Variants in CHN2 observed in about 807,000 individuals in gnomAD.
The protein encoded by CHN2 is beta-chimaerin.
A neutral mutation model predicts 56.3 loss-of-function variants in CHN2; 35 were observed. That is an observed-to-expected ratio of 0.62 (90% CI 0.47 to 0.82). The LOEUF (loss-of-function observed/expected upper bound fraction) is 0.82, where lower values mean the gene tolerates loss of function less well. Among genes scored for constraint, CHN2 ranks in the 40% least tolerant of loss-of-function variants. CHN2 has a pLI of 0.00. For missense variants in CHN2, 491 were observed against 580.5 expected (o/e 0.85, Z 1.58); for synonymous variants, 210 against 212.8 (o/e 0.99, Z 0.12).
chr7:29,332,867 ACATAACCCCAT>A (rs1243120220), intron 1 of CHN2: 4 of 151,816 alleles, frequency 2.6e-5, no homozygotes, highest in African/African-American at 9.7e-5. Flanking sequence ...GGTTATGTGG[ACATAACCCCAT>A]CATAAGTTGA....
chr7:29,335,000 T>G (rs1261807394), intron 1 of CHN2, among the ~76,000 whole-genome samples: 2 of 152,246 alleles, frequency 1.3e-5, no homozygotes, highest in Admixed American at 6.5e-5. Context: ...ATAAGTTATC[T>G]TAATCAGTGG....
chr7:29,438,522 A>G lies in CHN2; in HGVS notation c.576+37694A>G, dbSNP rs73687432. On this transcript the variant is annotated intron_variant, in intron 6 of 12. Transcript: ENST00000222792. Reference sequence around the variant, plus strand: ...TTTAAGTTCATTCTTTTTTTTTTCCATGTTAGAAACAACTCTGCAATGAAC... The same window carrying G: ...TTTAAGTTCATTCTTTTTTTTTTCCGTGTTAGAAACAACTCTGCAATGAAC... Among the ~76,000 whole-genome samples, 1,392 of 151,574 alleles carry G rather than the reference A, an allele frequency of 9.2e-3. 24 individuals are homozygous for G. Among genetic ancestry groups the G allele is most frequent in the African/African-American group, 0.032 (1,333 of 41,384 alleles).
chr7:29,441,398 G>T (rs1404199338), intron 6 of CHN2, among the ~76,000 whole-genome samples: 1 of 152,176 alleles, frequency 6.6e-6, no homozygotes, highest in African/African-American at 2.4e-5. Context: ...CATCACCTTG[G>T]ATGTGGCAAT....
intron 3 of CHN2, among the ~76,000 whole-genome samples, chr7:29,388,356 A>C (rs1221705326): frequency 6.6e-6 from 1 of 152,218 alleles, no homozygotes; most frequent in Non-Finnish European, 1.5e-5. Flanking sequence ...AAGGAGCTCT[A>C]AGAACACAGC....
At chr7:29,236,203 A>G (rs907769341) in intron 1 of CHN2, among the ~76,000 whole-genome samples, 2 of 152,246 alleles carry the variant, frequency 1.3e-5, no homozygotes, top group East Asian at 3.8e-4. Flanking sequence ...CCTGAGGGGA[A>G]GAGTAGAATT....
At chr7:29,356,694 C>A (rs939913504) in intron 2 of CHN2, among the ~76,000 whole-genome samples, 11 of 152,132 alleles carry the variant, frequency 7.2e-5, no homozygotes, top group African/African-American at 2.4e-4. Flanking sequence ...TCTGTTCTTC[C>A]ATCTGTGAAA....
At chr7:29,373,793 C>T (rs1192836948) in intron 3 of CHN2, among the ~76,000 whole-genome samples, 2 of 152,248 alleles carry the variant, frequency 1.3e-5, no homozygotes, top group East Asian at 3.9e-4. Context: ...CTTAACAGGC[C>T]ATATTGATTG....
chr7:29,305,570 G>A (rs1794072319), intron 1 of CHN2, among the ~76,000 whole-genome samples: 1 of 152,118 alleles, frequency 6.6e-6, no homozygotes, highest in Admixed American at 6.5e-5. Context: ...TGGGTCAATA[G>A]CTGGATAATT....
At chr7:29,496,324 A>T (rs1222471187) in intron 8 of CHN2, among the ~76,000 whole-genome samples, 4 of 152,186 alleles carry the variant, frequency 2.6e-5, no homozygotes, top group Non-Finnish European at 5.9e-5. Flanking sequence ...AGAAAAAAAA[A>T]ATCAATTCCA....
chr7:29,222,198 A>C (rs1208062374), intron 1 of CHN2, among the ~76,000 whole-genome samples: 1 of 152,204 alleles, frequency 6.6e-6, no homozygotes, highest in Non-Finnish European at 1.5e-5. Flanking sequence ...ACCACTGCTC[A>C]AGGAAATCAG....
chr7:29,388,388 C>T (rs1236110278), intron 3 of CHN2, among the ~76,000 whole-genome samples: 1 of 152,206 alleles, frequency 6.6e-6, no homozygotes, highest in East Asian at 1.9e-4. Flanking sequence ...CTAACCCTTC[C>T]TTCTATACAG....
intron 2 of CHN2, among the ~76,000 whole-genome samples, chr7:29,161,214 C>CAT (rs1795133195): frequency 6.6e-6 from 1 of 152,128 alleles, no homozygotes; most frequent in South Asian, 2.1e-4. Flanking sequence ...TGTCTTAGCA[C>CAT]ATGAGGGTTT....
At chr7:29,310,462 C>T (rs1019693328) in intron 1 of CHN2, among the ~76,000 whole-genome samples, 1 of 152,160 alleles carries the variant, frequency 6.6e-6, no homozygotes, top group Admixed American at 6.5e-5. Context: ...ATGCTTAGTT[C>T]AGTAAATGGG....
intron 1 of CHN2, among the ~76,000 whole-genome samples, chr7:29,306,190 A>G (rs1418932005): frequency 6.6e-6 from 1 of 152,170 alleles, no homozygotes; most frequent in Non-Finnish European, 1.5e-5. Flanking sequence ...CGCACTGTGT[A>G]AGTCAATAAA....
intron 1 of CHN2, among the ~76,000 whole-genome samples, chr7:29,240,839 C>T (rs1356640526): frequency 1.3e-5 from 2 of 151,766 alleles, no homozygotes; most frequent in Admixed American, 6.6e-5. Context: ...TCGTCGTCTT[C>T]GTCTTCATCT....
chr7:29,270,452 C>G (rs1019655467), intron 1 of CHN2, among the ~76,000 whole-genome samples: 1 of 136,584 alleles, frequency 7.3e-6, no homozygotes, highest in Non-Finnish European at 1.5e-5. Flanking sequence ...GCCAGGAGTT[C>G]AAGACCAGCC....
chr7:29,450,281 T>G (rs969031152), intron 6 of CHN2, among the ~76,000 whole-genome samples: 1 of 152,174 alleles, frequency 6.6e-6, no homozygotes, highest in African/African-American at 2.4e-5. Flanking sequence ...TCCAAAGATA[T>G]CAGATCCTAA....
chr7:29,180,459 G>A (rs543445246), intron 2 of CHN2, among the ~76,000 whole-genome samples: 71 of 152,076 alleles, frequency 4.7e-4, no homozygotes, highest in East Asian at 1.9e-4. Context: ...CCTAGGAGGC[G>A]GAGGTTGCAG....
At chr7:29,503,743 A>G (rs1266704329) in intron 9 of CHN2, among the ~76,000 whole-genome samples, 1 of 152,240 alleles carries the variant, frequency 6.6e-6, no homozygotes, top group African/African-American at 2.4e-5. Context: ...TTCCAAATGA[A>G]AAAACAGGAG....
Sources: allele counts gnomAD v4.1 joint callset (sites outside exome capture counted in the v4.1 genomes callset), GRCh38; gene constraint gnomAD v4.1.1; transcripts MANE v1.5; gene names NCBI Gene and HGNC (gene_info 2026-07-23, HGNC 2026-07-21).